Variants in CAMSAP1 observed in about 807,000 individuals in gnomAD.
CAMSAP1 encodes the protein calmodulin-regulated spectrin-associated protein 1.
A neutral mutation model predicts 143.5 loss-of-function variants in CAMSAP1; 58 were observed. That is an observed-to-expected ratio of 0.40 (90% CI 0.33 to 0.50). CAMSAP1 has a LOEUF of 0.50. Among genes scored for constraint, CAMSAP1 ranks in the 20% least tolerant of loss-of-function variants. The pLI is 0.45. For missense variants in CAMSAP1, 1,969 were observed against 2,115.7 expected, an observed-to-expected ratio of 0.93 and a Z score of 1.36; for synonymous variants, 945 against 859.3, an observed-to-expected ratio of 1.10 and a Z score of -1.74.
chr9:135,896,146 T>G (rs1228155584), intron 1 of CAMSAP1, among the ~76,000 whole-genome samples: 1 of 152,114 alleles, frequency 6.6e-6, no homozygotes, highest in African/African-American at 2.4e-5. Flanking sequence ...ATAACATCAT[T>G]ACATGCTCTT....
chr9:135,838,367 ATG>A (rs1588461522), intron 7 of CAMSAP1, among the ~76,000 whole-genome samples: 1 of 113,162 alleles, frequency 8.8e-6, no homozygotes, highest in Non-Finnish European at 2.0e-5. Context: ...CTACAGACAC[ATG>A]TCATCACGCA....
intron 1 of CAMSAP1, among the ~76,000 whole-genome samples, chr9:135,905,738 G>A (rs1838757208): frequency 6.6e-6 from 1 of 151,344 alleles, no homozygotes; most frequent in African/African-American, 2.4e-5. Context: ...AAAATACAAA[G>A]AAAAGCAAAA....
chr9:135,832,311 C>T (rs1835883784), intron 7 of CAMSAP1, among the ~76,000 whole-genome samples: 1 of 152,134 alleles, frequency 6.6e-6, no homozygotes, highest in African/African-American at 2.4e-5. Context: ...CAGATAAATA[C>T]CACATGATCA....
chr9:135,812,810 G>T (rs1321809053), intron 16 of CAMSAP1, among the ~76,000 whole-genome samples: 2 of 151,970 alleles, frequency 1.3e-5, no homozygotes, highest in African/African-American at 2.4e-5. Context: ...CTCTACTAAG[G>T]ATACAAAAAT....
chr9:135,893,188 G>GAGAGA (rs1838340027), intron 1 of CAMSAP1, among the ~76,000 whole-genome samples: 1 of 150,868 alleles, frequency 6.6e-6, no homozygotes, highest in African/African-American at 2.4e-5. Flanking sequence ...AAGAAGAGAA[G>GAGAGA]AGAGAAGAGA....
intron 1 of CAMSAP1, among the ~76,000 whole-genome samples, chr9:135,886,584 G>A (rs949651649): frequency 5.9e-5 from 9 of 152,240 alleles, no homozygotes; most frequent in Admixed American, 2.6e-4. Context: ...TGCGCTGGGA[G>A]GACCTGGGCC....
intron 1 of CAMSAP1, among the ~76,000 whole-genome samples, chr9:135,886,107 G>A (rs1348123599): frequency 6.6e-6 from 1 of 151,738 alleles, no homozygotes; most frequent in Non-Finnish European, 1.5e-5. Flanking sequence ...ATTTCTAATA[G>A]TTTCTTGTTG....
intron 3 of CAMSAP1, among the ~76,000 whole-genome samples, chr9:135,868,608 A>ATTTTTTT (rs1310387140): frequency 1.6e-5 from 2 of 123,206 alleles, no homozygotes; most frequent in African/African-American, 6.2e-5. Context: ...TGAGATTGGC[A>ATTTTTTT]ATTTTTTTTT....
rs145211136 is a variant in CAMSAP1, at chr9:135,818,501, C to A, written c.4075G>T (p.Gly1359Cys). ...TTCTTCGGCTTTGACTTGGGCTTGC[C>A]GAGCCCCTGCTCCTCTAGGATCTGC... ...QQQILEEQGL[G>C]KPKSKPKKPR... The change falls in exon 13 of 17, where the codon GGC (glycine) becomes TGC (cysteine). Residue 1359 changes from glycine (G) to cysteine (C), a missense_variant. Around this residue, in one of 4 missense-constraint regions of CAMSAP1, gnomAD observed 1,390 missense variants for 1,420.8 expected, o/e 0.98. Coordinates refer to ENST00000389532, the MANE Select transcript of CAMSAP1 (RefSeq NM_015447.4). This position sits in a 1 kb window ranked among gnomAD's most constrained non-coding sequence, Gnocchi z 7.7. 1.3e-5 allele frequency: 21 copies of A among 1,610,794 alleles called. No homozygotes were observed. The South Asian group carries it at 2.1e-4, about 16-fold the overall frequency.
At chr9:135,845,100 C>A (rs1339880836) in intron 7 of CAMSAP1, among the ~76,000 whole-genome samples, 1 of 152,128 alleles carries the variant, frequency 6.6e-6, no homozygotes, top group South Asian at 2.1e-4. Context: ...TGATGAACAT[C>A]GATGCAAAAA....
chr9:135,846,532 A>G (rs1295978438), intron 7 of CAMSAP1, among the ~76,000 whole-genome samples: 1 of 152,152 alleles, frequency 6.6e-6, no homozygotes, highest in East Asian at 1.9e-4. Flanking sequence ...TGACAAATGG[A>G]TCTAATTAAA....
At chr9:135,836,225 T>C (rs970631921) in intron 7 of CAMSAP1, 1 of 984,964 alleles carries the variant, frequency 1.0e-6, no homozygotes, top group Admixed American at 6.2e-5. Context: ...AAGTACCTTC[T>C]ACCCTGTTCT....
rs149847468 is a variant in CAMSAP1, at chr9:135,896,015, T to C, written c.160+10985A>G. 4.3e-3 allele frequency among the ~76,000 whole-genome samples: 652 copies of C among 151,738 alleles called. 4 individuals are homozygous for C. Among genetic ancestry groups the C allele is most frequent in the African/African-American group, 0.014 (578 of 41,176 alleles). ...AACAAACAGAAAACAAACTATAAAA[T>C]GTCAGACTCAAGTCCTAACGTTATA... On this transcript the variant is annotated intron_variant, in intron 1 of 16. Coordinates refer to ENST00000389532, the MANE Select transcript of CAMSAP1 (RefSeq NM_015447.4).
chr9:135,827,375 A>G (rs1835711349), intron 8 of CAMSAP1, 32 bp downstream of exon 8: 2 of 1,460,974 alleles, frequency 1.4e-6, no homozygotes, highest in South Asian at 3.0e-5. Flanking sequence ...CAAGATGGTG[A>G]ACTGATTCTG....
chr9:135,867,860 G>T (rs1057145319), intron 3 of CAMSAP1, among the ~76,000 whole-genome samples: 2 of 152,232 alleles, frequency 1.3e-5, no homozygotes, highest in African/African-American at 4.8e-5. Context: ...CCCAGTGCTG[G>T]AGAAGAGATG....
chr9:135,847,697 C>T lies in CAMSAP1; in HGVS notation c.1045+2440G>A, dbSNP rs948759888. ...AGGGAGGGGAACATCACACACCTGT[C>T]GGGGGGTGGGAGGGCTAGGAGAGGG... On this transcript the variant is annotated intron_variant, in intron 7 of 16. Transcript: ENST00000389532. Among the ~76,000 whole-genome samples, 12 of 146,668 alleles carry T rather than the reference C, an allele frequency of 8.2e-5. 1 individual carries two copies. The highest frequency in any genetic ancestry group is 4.5e-4 in the South Asian group (2 of 4,430).
Position 135,818,409 on chromosome 9 carries a change from G to C in CAMSAP1, c.4167C>G (p.Thr1389=). 6.3e-7 allele frequency: 1 copy of C among 1,576,614 alleles called. No individual in the cohort carries two copies. The highest frequency in any genetic ancestry group is 8.6e-7 in the Non-Finnish European group (1 of 1,167,280). Residue 1389 remains threonine, a splice_region_variant and synonymous_variant, in exon 13 of 17, where the codon ACC becomes ACG. Coordinates refer to ENST00000389532, the MANE Select transcript of CAMSAP1 (RefSeq NM_015447.4). The surrounding 1 kb of genome is among the most constrained non-coding windows in gnomAD (Gnocchi z 7.7). ...CSDSGTKCSS[T]PDNLSRTQSG... is the part of the protein sequence containing the mutation. ...CGCGTGAGGGCCGGGGCTGCTTACGGGTGGAGGAGCACTTGGTGCCGGAGT... is the reference window on the plus strand; with the variant it reads ...CGCGTGAGGGCCGGGGCTGCTTACGCGTGGAGGAGCACTTGGTGCCGGAGT...
At chr9:135,892,032 A>C (rs1359202703) in intron 1 of CAMSAP1, among the ~76,000 whole-genome samples, 3 of 152,354 alleles carry the variant, frequency 2.0e-5, no homozygotes, top group Admixed American at 6.5e-5. Context: ...CAAGTCTTGA[A>C]GTATGAGACG....
At chr9:135,838,148 GAC>G (rs961511689) in intron 7 of CAMSAP1, among the ~76,000 whole-genome samples, 1 of 142,178 alleles carries the variant, frequency 7.0e-6, no homozygotes, top group Non-Finnish European at 1.5e-5. Context: ...CCGTTCTACA[GAC>G]ACACGTCATC....
Sources: allele counts gnomAD v4.1 joint callset (sites outside exome capture counted in the v4.1 genomes callset), GRCh38; gene constraint gnomAD v4.1.1; regional missense constraint gnomAD v4.1.1; non-coding constraint Gnocchi (gnomAD v3.1); transcripts MANE v1.5; gene names NCBI Gene and HGNC (gene_info 2026-07-23, HGNC 2026-07-21).